Variants in NBAS observed in about 807,000 individuals in gnomAD.
NBAS encodes NBAS subunit of NRZ tethering complex, also known as NAG/BC035112 fusion.
NBAS carries 219 observed loss-of-function variants against 302.5 expected under a neutral mutation model. The observed-to-expected ratio is 0.72, with a 90% CI of 0.65 to 0.81. The LOEUF (loss-of-function observed/expected upper bound fraction) is 0.81. Ranked by LOEUF, NBAS falls within the 30% of genes least tolerant of loss-of-function variation. The probability of loss-of-function intolerance (pLI) is 0.00; values close to 1 mark genes in which losing one functional copy is unlikely to be tolerated. For missense variants in NBAS, 2,932 were observed against 2,841.6 expected (o/e 1.03, Z -0.72); for synonymous variants, 1,118 against 1,021.6 (o/e 1.09, Z -1.80).
the NBAS span, among the ~76,000 whole-genome samples, chr2:15,103,270 G>A: frequency 6.6e-6 from 1 of 151,960 alleles, no homozygotes; most frequent in Admixed American, 6.6e-5. Flanking sequence ...TTTGAGAAAA[G>A]CTCTGAAAAT....
chr2:15,013,223 G>C, the NBAS span, among the ~76,000 whole-genome samples: 2 of 152,062 alleles, frequency 1.3e-5, no homozygotes, highest in Non-Finnish European at 2.9e-5. Context: ...TCTTACATGT[G>C]GAAGTGAAAA....
In NBAS at chr2:15,238,634, T is replaced by A; in HGVS notation, c.5777A>T (p.Lys1926Ile). 1 of 1,613,450 alleles carries A rather than the reference T, an allele frequency of 6.2e-7. No homozygotes were observed. Among genetic ancestry groups the A allele is most frequent in the Non-Finnish European group, 8.5e-7 (1 of 1,179,874 alleles). The change falls in exon 45 of 52, where the codon AAA (lysine) becomes ATA (isoleucine). Residue 1926 changes from lysine to isoleucine, a missense_variant. Transcript: ENST00000281513. ...TTTCCTTGGCTTCTCAATAAAATGT[T>A]TGACTGTCTTAATAGCCTTTCTAGT... ...EMTRKAIKTV[K>I]HFIEKPRKRN...
At chr2:15,382,326 T>C (rs1035674474) in intron 29 of NBAS, among the ~76,000 whole-genome samples, 2 of 152,186 alleles carry the variant, frequency 1.3e-5, no homozygotes, top group African/African-American at 4.8e-5. Context: ...TTATATTCCA[T>C]ATGTTATAAT....
At chr2:15,306,386 A>G (rs1456086616) in intron 40 of NBAS, among the ~76,000 whole-genome samples, 2 of 152,222 alleles carry the variant, frequency 1.3e-5, no homozygotes, top group African/African-American at 4.8e-5. Flanking sequence ...CTGACATGAG[A>G]ATAAAATATG....
chr2:14,911,888 G>T, the NBAS span, among the ~76,000 whole-genome samples: 1 of 152,144 alleles, frequency 6.6e-6, no homozygotes, highest in Non-Finnish European at 1.5e-5. Flanking sequence ...TGTTATAAGG[G>T]TTAAATTAGT....
chr2:15,317,455 G>C (rs1671566837), intron 38 of NBAS, among the ~76,000 whole-genome samples: 1 of 152,178 alleles, frequency 6.6e-6, no homozygotes. Context: ...ACTTCTCCGA[G>C]CTAAAGGAGC....
At chr2:15,489,278 C>T (rs952883363) in intron 11 of NBAS, among the ~76,000 whole-genome samples, 2 of 151,794 alleles carry the variant, frequency 1.3e-5, no homozygotes, top group Admixed American at 6.6e-5. Context: ...TACATATAAC[C>T]GAAAAATATG....
intron 12 of NBAS, 145 bp downstream of exon 12, chr2:15,488,749 C>T: frequency 4.8e-6 from 5 of 1,051,484 alleles, no homozygotes; most frequent in Non-Finnish European, 7.0e-6. Flanking sequence ...TCCCACTGTA[C>T]TGATATCATA....
chr2:15,474,045 T>A, intron 15 of NBAS, 22 bp downstream of exon 15: 2 of 1,614,038 alleles, frequency 1.2e-6, no homozygotes, highest in South Asian at 1.1e-5. Context: ...CAAACTTGGG[T>A]AGTAATATGC....
the NBAS span, among the ~76,000 whole-genome samples, chr2:14,987,374 C>T: frequency 2.0e-5 from 3 of 151,794 alleles, no homozygotes; most frequent in South Asian, 6.2e-4. Flanking sequence ...TAAAAATAAA[C>T]GTTTTGCTTT....
chr2:15,122,639 AC>A, the NBAS span, among the ~76,000 whole-genome samples: 21 of 152,304 alleles, frequency 1.4e-4, no homozygotes, highest in Admixed American at 5.9e-4. Flanking sequence ...TACCAAAGGA[AC>A]CCAGAGGACA....
At chr2:15,104,026 C>T in the NBAS span, among the ~76,000 whole-genome samples, 2 of 152,128 alleles carry the variant, frequency 1.3e-5, no homozygotes, top group Admixed American at 6.6e-5. Flanking sequence ...CCACCCAAAT[C>T]TCACGGTGAA....
At chr2:15,100,079 T>C in the NBAS span, among the ~76,000 whole-genome samples, 3 of 152,156 alleles carry the variant, frequency 2.0e-5, no homozygotes, top group African/African-American at 4.8e-5. Context: ...TTGTGCAGTT[T>C]GAACATTACA....
At chr2:15,017,582 T>A in the NBAS span, among the ~76,000 whole-genome samples, 23 of 151,932 alleles carry the variant, frequency 1.5e-4, no homozygotes, top group African/African-American at 5.3e-4. Context: ...CATCACTAAT[T>A]ATCAGGGAAA....
In NBAS at chr2:15,538,266, T is replaced by G. The variant is rs1443893350; in HGVS notation, c.513+957A>C. ...GCACACATACAGCTCATATTGTATT[T>G]CTTTTAGCCAGAAATAGTCTAGAAA... On this transcript the variant is annotated intron_variant, in intron 7 of 51. Coordinates refer to ENST00000281513, the MANE Select transcript of NBAS (RefSeq NM_015909.4). 1.1e-5 allele frequency: 4 copies of G among 359,590 alleles called. No homozygotes were observed. The Admixed American group carries it at 1.3e-4, about 12-fold the overall frequency. The allele number at this position is 359,590 out of a possible 1,614,324, so 22.3% of individuals were successfully genotyped here.
At chr2:14,828,632 A>G in the NBAS span, among the ~76,000 whole-genome samples, 1 of 150,868 alleles carries the variant, frequency 6.6e-6, no homozygotes, top group African/African-American at 2.5e-5. Context: ...CTATGAAACA[A>G]GAGTGAAAAC....
the NBAS span, among the ~76,000 whole-genome samples, chr2:14,903,842 C>G: frequency 6.6e-6 from 1 of 151,870 alleles, no homozygotes; most frequent in African/African-American, 2.4e-5. Flanking sequence ...CCCCCATCCC[C>G]CTGTCACACC....
the NBAS span, among the ~76,000 whole-genome samples, chr2:15,153,945 A>G: frequency 2.6e-5 from 4 of 152,252 alleles, no homozygotes; most frequent in African/African-American, 4.8e-5. Context: ...GAGCTTGGAA[A>G]TAAAGGGCTC....
At chr2:15,243,812 C>T (rs889662949) in intron 44 of NBAS, among the ~76,000 whole-genome samples, 1 of 152,030 alleles carries the variant, frequency 6.6e-6, no homozygotes, top group African/African-American at 2.4e-5. Context: ...CAGGGCCATA[C>T]TGGGTTAAAA....
Sources: allele counts gnomAD v4.1 joint callset (sites outside exome capture counted in the v4.1 genomes callset), GRCh38; gene constraint gnomAD v4.1.1; transcripts MANE v1.5; gene names NCBI Gene and HGNC (gene_info 2026-07-23, HGNC 2026-07-21).